Variants in L3MBTL1 observed in about 807,000 individuals in gnomAD.
L3MBTL1 encodes L3MBTL histone methyl-lysine binding protein 1.
Under a neutral mutation model 105.3 loss-of-function variants are expected in L3MBTL1, and 75 were observed. The ratio of observed to expected loss-of-function variants is 0.71; its 90% CI spans 0.59 to 0.86. The LOEUF is 0.86. Among genes scored for constraint, L3MBTL1 ranks in the 40% least tolerant of loss-of-function variants. The probability of loss-of-function intolerance (pLI) is 0.00; values close to 1 mark genes in which losing one functional copy is unlikely to be tolerated. For synonymous variants in L3MBTL1, 452 were observed against 436.2 expected, an observed-to-expected ratio of 1.04 and a Z score of -0.45; for missense variants, 1,069 against 1,126.4, an observed-to-expected ratio of 0.95 and a Z score of 0.73.
intron 13 of L3MBTL1, among the ~76,000 whole-genome samples, chr20:43,533,632 G>A (rs971878687): frequency 4.6e-5 from 7 of 152,172 alleles, no homozygotes; most frequent in Non-Finnish European, 8.8e-5. Context: ...GGGTTTAGGG[G>A]AAGAAAGTTA....
At chr20:43,528,835 C>T (rs2019173261) in intron 8 of L3MBTL1, 90 bp downstream of exon 8, 2 of 974,878 alleles carry the variant, frequency 2.1e-6, no homozygotes, top group East Asian at 2.5e-5. Context: ...TTTTCTGTGT[C>T]AGGCATGCCT....
Position 43,515,325 on chromosome 20 carries a change from C to A in L3MBTL1, c.687C>A (p.Thr229=). ...SVIVENSSGS[T]SASELLKPMK... ...TAGTGGAGAACTCCTCAGGCTCTAC[C>A]AGCGCTTCTGAGCTCCTCAAACCCA... The change falls in exon 6 of 22, where the codon ACC becomes ACA. Residue 229 remains threonine (T), a synonymous_variant. Transcript: ENST00000418998. 6.3e-7 allele frequency: 1 copy of A among 1,592,160 alleles called. No homozygotes were observed. Among genetic ancestry groups the A allele is most frequent in the East Asian group, 2.3e-5 (1 of 43,996 alleles).
chr20:43,533,432 C>G lies in L3MBTL1; in HGVS notation c.1513+14C>G. ...CCCCTCCACAAGGTGACCCTGCAGC[C>G]TGAGCAAGCCCCCTTTCCTAAGCCT... On this transcript the variant is annotated intron_variant, in intron 13 of 21. Coordinates refer to ENST00000418998, the MANE Select transcript of L3MBTL1 (RefSeq NM_001377303.1). 1 of 1,607,450 alleles carries G rather than the reference C, an allele frequency of 6.2e-7. No homozygotes were observed. The highest frequency in any genetic ancestry group is 8.5e-7 in the Non-Finnish European group (1 of 1,176,816).
At chr20:43,533,465 C>T in intron 13 of L3MBTL1, 47 bp downstream of exon 13, 3 of 1,537,516 alleles carry the variant, frequency 2.0e-6, no homozygotes, top group African/African-American at 1.4e-5. Context: ...CCTGGCTCTG[C>T]TTCCCTCTCC....
At chr20:43,515,887 G>C (rs139761179) in intron 6 of L3MBTL1, 3 of 562,882 alleles carry the variant, frequency 5.3e-6, no homozygotes, top group African/African-American at 3.7e-5. Flanking sequence ...GTTTAATTAG[G>C]ATGTGCATGC....
chr20:43,543,436 T>C (rs1458504550), downstream of L3MBTL1, among the ~76,000 whole-genome samples: 1 of 152,214 alleles, frequency 6.6e-6, no homozygotes, highest in African/African-American at 2.4e-5. Context: ...TACATTCTCT[T>C]CTTCTTGTGA....
chr20:43,521,102 G>C (rs995165778), intron 7 of L3MBTL1, among the ~76,000 whole-genome samples: 2 of 152,210 alleles, frequency 1.3e-5, no homozygotes, highest in African/African-American at 4.8e-5. Context: ...ATAAGTATCA[G>C]GCTCTTGGTT....
Position 43,533,406 on chromosome 20 carries a change from A to G in L3MBTL1, c.1501A>G (p.Thr501Ala). 1 of 1,612,452 alleles carries G rather than the reference A, an allele frequency of 6.2e-7. No individual in the cohort carries two copies. The highest frequency in any genetic ancestry group is 8.5e-7 in the Non-Finnish European group (1 of 1,179,490). The change falls in exon 13 of 22, where the codon ACC (threonine) becomes GCC (alanine). Residue 501 changes from threonine to alanine, a missense_variant. Transcript: ENST00000418998. The part of the protein sequence containing the change: ...GWCQKQGKPL[T>A]PPQDYPDPDN... Reference sequence around the variant, plus strand: ...GTGCCAGAAGCAAGGAAAGCCCCTCACCCCTCCACAAGGTGACCCTGCAGC... The same window carrying G: ...GTGCCAGAAGCAAGGAAAGCCCCTCGCCCCTCCACAAGGTGACCCTGCAGC...
downstream of L3MBTL1, among the ~76,000 whole-genome samples, chr20:43,542,798 C>A (rs2019965566): frequency 6.6e-6 from 1 of 152,162 alleles, no homozygotes; most frequent in Non-Finnish European, 1.5e-5. Flanking sequence ...ATGTACTCTT[C>A]TAGGTCTGTC....
At chr20:43,527,348 A>T (rs1200155290) in intron 7 of L3MBTL1, among the ~76,000 whole-genome samples, 1 of 152,190 alleles carries the variant, frequency 6.6e-6, no homozygotes, top group African/African-American at 2.4e-5. Flanking sequence ...CTTCGACTGG[A>T]GGCAGCTCAT....
chr20:43,524,205 C>G (rs1391650489), intron 7 of L3MBTL1, among the ~76,000 whole-genome samples: 1 of 152,142 alleles, frequency 6.6e-6, no homozygotes. Flanking sequence ...CTTCATGAGA[C>G]AGATTTATTT....
In L3MBTL1 at chr20:43,513,575, C is replaced by G; in HGVS notation, c.72C>G (p.His24Gln). ...CTTCCACAGGGGAGGTCAGCATGCA[C>G]TTGGTGGCCGGAGACAGCCCCGGTT... Reference protein sequence around the residue: ...KGPSTGEVSMHLVAGDSPGSG... With the variant: ...KGPSTGEVSMQLVAGDSPGSG... Residue 24 changes from histidine to glutamine, a missense_variant, in exon 2 of 22, where the codon CAC becomes CAG. By Grantham distance (24) the His-to-Gln change is conservative (BLOSUM62 0). Coordinates refer to ENST00000418998, the MANE Select transcript of L3MBTL1 (RefSeq NM_001377303.1). 6.4e-7 allele frequency: 1 copy of G among 1,550,676 alleles called. No individual in the cohort carries two copies. The highest frequency in any genetic ancestry group is 8.7e-7 in the Non-Finnish European group (1 of 1,147,016).
At chr20:43,515,599 A>G in intron 6 of L3MBTL1, 184 bp downstream of exon 6, 1 of 699,320 alleles carries the variant, frequency 1.4e-6, no homozygotes, top group East Asian at 2.8e-5. Context: ...AAATGAATTA[A>G]TCACTCTCTT....
chr20:43,516,012 AG>A lies in L3MBTL1; in HGVS notation c.778-79del. 6 of 1,068,478 alleles carry A rather than the reference AG, an allele frequency of 5.6e-6. No homozygotes were observed. In the South Asian group the frequency reaches 7.7e-5, roughly 14 times the overall value. 66.2% of individuals were successfully genotyped at this position (1,068,478 alleles called of 1,614,324 possible). A position where few individuals can be genotyped will look rare whatever the true frequency, so the allele number is the denominator to read the frequency against. On this transcript the variant is annotated intron_variant, in intron 6 of 21. Transcript: ENST00000418998. Reference sequence around the variant, plus strand: ...CAGAACACCACATGGCCAGAGAGCCAGGTAGGGGCCAGGATCAGACCCTAGG... The same window carrying A: ...CAGAACACCACATGGCCAGAGAGCCAGTAGGGGCCAGGATCAGACCCTAGG...
At position 43,540,238 on chromosome 20, in the gene L3MBTL1, A is replaced by G; in HGVS notation, c.2261A>G (p.Gln754Arg). The change falls in exon 20 of 22, where the codon CAG becomes CGG. Residue 754 changes from glutamine (Q) to arginine (R), a missense_variant. Gln to Arg is a conservative substitution (Grantham distance 43). Coordinates refer to ENST00000418998, the MANE Select transcript of L3MBTL1 (RefSeq NM_001377303.1). ...CGCTCACTCTCAGTGTGCTGGGAGC[A>G]GCACTGCAAGCTCCTGCCAGGAGTA... Reference protein sequence around the residue: ...PDRSLSVCWEQHCKLLPGVAG... With the variant: ...PDRSLSVCWERHCKLLPGVAG... 2 of 1,613,838 alleles carry G rather than the reference A, an allele frequency of 1.2e-6. No individual in the cohort carries two copies. Among genetic ancestry groups the G allele is most frequent in the Non-Finnish European group, 1.7e-6 (2 of 1,180,024 alleles).
At position 43,513,523 on chromosome 20, in the gene L3MBTL1, T is replaced by C. The variant is rs1368007093; in HGVS notation, c.20T>C (p.Met7Thr). 7 of 1,550,700 alleles carry C rather than the reference T, an allele frequency of 4.5e-6. No homozygotes were observed. In the South Asian group the frequency reaches 8.3e-5, roughly 18 times the overall value. The change falls in exon 2 of 22, where the codon ATG (methionine) becomes ACG (threonine). Residue 7 changes from methionine to threonine, a missense_variant. Met to Thr is a moderately conservative substitution (Grantham distance 81, BLOSUM62 -1). Transcript: ENST00000418998. MEGHAEMEMLRTLKGPS... is the reference protein window; with the variant it reads MEGHAETEMLRTLKGPS... ...GCTGGGATGGAGGGGCATGCTGAAA[T>C]GGAGATGCTGAGGACACTGAAGGGG...
intron 7 of L3MBTL1, among the ~76,000 whole-genome samples, chr20:43,518,680 T>C (rs1455895774): frequency 2.0e-5 from 3 of 151,920 alleles, no homozygotes; most frequent in African/African-American, 7.3e-5. Flanking sequence ...ACTGTTTTTT[T>C]TCCTATCCAT....
downstream of L3MBTL1, among the ~76,000 whole-genome samples, chr20:43,542,746 G>A (rs1176498147): frequency 6.6e-6 from 1 of 152,018 alleles, no homozygotes; most frequent in Non-Finnish European, 1.5e-5. Flanking sequence ...TCATAGATGA[G>A]CTTTGCCTGT....
rs746015852 is a variant in L3MBTL1 at position 43,540,051 on chromosome 20, A to C, written c.2174-100A>C. 2.1e-6 allele frequency: 3 copies of C among 1,423,572 alleles called. No homozygotes were observed. In the Admixed American group the frequency reaches 5.4e-5, roughly 25 times the overall value. 88.2% of individuals were successfully genotyped at this position (1,423,572 alleles called of 1,614,324 possible). Reference sequence around the variant, plus strand: ...TCAGAAGGGGCCCGGAGTCCTGTCTACTCTGCCAGCCAGTCTCCTGAGTGG... The same window carrying C: ...TCAGAAGGGGCCCGGAGTCCTGTCTCCTCTGCCAGCCAGTCTCCTGAGTGG... On this transcript the variant is annotated intron_variant, in intron 19 of 21. Coordinates refer to ENST00000418998, the MANE Select transcript of L3MBTL1 (RefSeq NM_001377303.1).
Sources: allele counts gnomAD v4.1 joint callset (sites outside exome capture counted in the v4.1 genomes callset), GRCh38; gene constraint gnomAD v4.1.1; transcripts MANE v1.5; gene names NCBI Gene and HGNC (gene_info 2026-07-23, HGNC 2026-07-21).